The following NES variants were observed in gnomAD, a reference collection of about 807,000 sequenced individuals.
NES encodes nestin.
Under a neutral mutation model 35.6 loss-of-function variants are expected in NES, and 27 were observed. The observed-to-expected ratio is 0.76, with a 90% confidence interval of 0.56 to 1.04. NES has a LOEUF of 1.04. NES is among the 50% of genes least tolerant of loss of function. NES has a pLI of 0.00. For missense variants in NES, 1,867 were observed against 1,983.6 expected, an observed-to-expected ratio of 0.94 and a Z score of 1.12; for synonymous variants, 822 against 824.2, an observed-to-expected ratio of 1.00 and a Z score of 0.04.
chr1:156,676,377 G>T lies in NES; in HGVS notation c.783+105C>A. On this transcript the variant is annotated intron_variant, in intron 1 of 3. Coordinates refer to ENST00000368223, the MANE Select transcript of NES (RefSeq NM_006617.2). This position sits in a 1 kb window ranked among gnomAD's most constrained non-coding sequence, Gnocchi z 5.3. ...TTTCTGAGAACTGGCTCCTGATTCA[G>T]CAGCCAGCTAGCCCCACTCCCTTCC... 8.7e-7 allele frequency: 1 copy of T among 1,154,458 alleles called. No individual in the cohort carries two copies. Among genetic ancestry groups the T allele is most frequent in the Admixed American group, 2.3e-5 (1 of 42,608 alleles). 71.5% of individuals were successfully genotyped at this position (1,154,458 alleles called of 1,614,324 possible). A position where few individuals can be genotyped will look rare whatever the true frequency, so the allele number is the denominator to read the frequency against.
At position 156,670,213 on chromosome 1, in the gene NES, C is replaced by T. The variant is rs1333787291; in HGVS notation, c.3975G>A (p.Gly1325=). Residue 1325 remains glycine, a synonymous_variant, in exon 4 of 4, where the codon GGG becomes GGA. Transcript: ENST00000368223. ...PTGEQRPPPQ[G]ETGKEGWDPA... is the part of the protein sequence containing the mutation. Reference sequence around the variant, plus strand: ...GATCCCAGCCCTCCTTTCCAGTCTCCCCTTGAGGGGGTGGCCTCTGCTCTC... The same window carrying T: ...GATCCCAGCCCTCCTTTCCAGTCTCTCCTTGAGGGGGTGGCCTCTGCTCTC... The T allele has an allele frequency of 3.7e-6, 6 of 1,613,918 alleles. No homozygotes were observed. Among genetic ancestry groups the T allele is most frequent in the Admixed American group, 1.7e-5 (1 of 59,992 alleles).
intron 2 of NES, 38 bp downstream of exon 2, chr1:156,675,178 G>T: frequency 1.2e-6 from 2 of 1,603,066 alleles, no homozygotes; most frequent in Non-Finnish European, 1.7e-6. Flanking sequence ...ATGTGTGTGT[G>T]CCTCTGTGTG....
chr1:156,673,862 T>G (rs539165924), intron 2 of NES, among the ~76,000 whole-genome samples: 44 of 152,154 alleles, frequency 2.9e-4, no homozygotes, highest in South Asian at 6.2e-4. Flanking sequence ...GCCAATGACC[T>G]CATCCTCTGT....
chr1:156,671,601 G>A lies in NES; in HGVS notation c.2587C>T (p.Leu863=), dbSNP rs774622704. 5.0e-6 allele frequency: 8 copies of A among 1,613,896 alleles called. No individual in the cohort carries two copies. Among genetic ancestry groups the A allele is most frequent in the Non-Finnish European group, 5.1e-6 (6 of 1,180,038 alleles). ...AGTGGTTCTTGAATTTCCTTTTCTA[G>A]AGGATTCATTGCCCCCTGATTTATT... is the stretch of plus-strand genomic sequence containing the variant. The part of the protein sequence containing the change: ...EEINQGAMNP[L]EKEIQEPLES... Residue 863 remains leucine, a synonymous_variant, in exon 4 of 4, where the codon CTA becomes TTA. Transcript: ENST00000368223.
chr1:156,673,881 C>G (rs996840019), intron 2 of NES, among the ~76,000 whole-genome samples: 9 of 152,144 alleles, frequency 5.9e-5, no homozygotes, highest in Non-Finnish European at 1.3e-4. Context: ...GTGTGGGGGA[C>G]CGATTCTCAT....
chr1:156,677,084 C>G lies in NES; in HGVS notation c.181G>C (p.Ala61Pro), dbSNP rs1647323127. 1 of 1,602,048 alleles carries G rather than the reference C, an allele frequency of 6.2e-7. No individual in the cohort carries two copies. Among genetic ancestry groups the G allele is most frequent in the Non-Finnish European group, 8.5e-7 (1 of 1,175,644 alleles). The change falls in exon 1 of 4, where the codon GCG becomes CCG. Residue 61 changes from alanine to proline, a missense_variant. By Grantham distance (27) the Ala-to-Pro change is conservative (BLOSUM62 -1). Transcript: ENST00000368223. The surrounding 1 kb of genome is among the most constrained non-coding windows in gnomAD (Gnocchi z 4.5). The stretch of plus-strand genomic sequence containing the variant: ...TGGTCAACGAGGGCCCGCAGGGCCG[C>G]CAGCTCGTCGTCGGCATGCGCCCGC... ...SWRAHADDELAALRALVDQRW... is the reference protein window; with the variant it reads ...SWRAHADDELPALRALVDQRW...
Position 156,675,353 on chromosome 1 carries a change from C to T in NES, c.784-13G>A, listed in dbSNP as rs1375904100. The T allele has an allele frequency of 7.5e-6, 12 of 1,594,208 alleles. No individual in the cohort carries two copies. Among genetic ancestry groups the T allele is most frequent in the Admixed American group, 1.7e-5 (1 of 58,752 alleles). ...CCTCCACAGCCAGCTGCAGGGCAGG[C>T]GAGAGGCAGTCAGTGGAGGGGCTGG... On this transcript the variant is annotated splice_polypyrimidine_tract_variant and intron_variant, in intron 1 of 3. Coordinates refer to ENST00000368223, the MANE Select transcript of NES (RefSeq NM_006617.2).
rs143663317 is a variant in NES, at chr1:156,669,513, G to C, written c.4675C>G (p.Gln1559Glu). ...ATTCCTTGCCCCACTTCCTCAGACTGCTCCAGCCCGTTCATCACTCCCCCA... is the reference window on the plus strand; with the variant it reads ...ATTCCTTGCCCCACTTCCTCAGACTCCTCCAGCCCGTTCATCACTCCCCCA... ...VNGGVMNGLE[Q>E]SEEVGQGMPL... Residue 1559 changes from glutamine to glutamate, a missense_variant, in exon 4 of 4, where the codon CAG (glutamine) becomes GAG (glutamate). By Grantham distance (29) the Gln-to-Glu change is conservative (BLOSUM62 2). Coordinates refer to ENST00000368223, the MANE Select transcript of NES (RefSeq NM_006617.2). 5.5e-5 allele frequency: 88 copies of C among 1,612,306 alleles called. No individual in the cohort carries two copies. The African/African-American group carries it at 1.0e-3, about 19-fold the overall frequency.
Position 156,671,021 on chromosome 1 carries a change from G to A in NES, c.3167C>T (p.Pro1056Leu). Residue 1056 changes from proline (P) to leucine (L), a missense_variant, in exon 4 of 4, where the codon CCC becomes CTC. Coordinates refer to ENST00000368223, the MANE Select transcript of NES (RefSeq NM_006617.2). ...QQVGAPGLQA[P>L]QGLPEAIEPL... ...CTCTATCGCCTCTGGCAGCCCCTGG[G>A]GAGCCTGGAGGCCTGGGGCCCCCAC... The A allele has an allele frequency of 6.2e-7, 1 of 1,612,672 alleles. No homozygotes were observed. The highest frequency in any genetic ancestry group is 8.5e-7 in the Non-Finnish European group (1 of 1,179,640).
In NES at chr1:156,671,603, G is replaced by C; in HGVS notation, c.2585C>G (p.Pro862Arg). ...PEEINQGAMNPLEKEIQEPLE... is the reference protein window; with the variant it reads ...PEEINQGAMNRLEKEIQEPLE... ...TGGTTCTTGAATTTCCTTTTCTAGA[G>C]GATTCATTGCCCCCTGATTTATTTC... is the stretch of plus-strand genomic sequence containing the variant. Residue 862 changes from proline to arginine, a missense_variant, in exon 4 of 4, where the codon CCT becomes CGT. By Grantham distance (103) the Pro-to-Arg change is moderately radical. Coordinates refer to ENST00000368223, the MANE Select transcript of NES (RefSeq NM_006617.2). 1 of 1,613,992 alleles carries C rather than the reference G, an allele frequency of 6.2e-7. No individual in the cohort carries two copies. Among genetic ancestry groups the C allele is most frequent in the African/African-American group, 1.3e-5 (1 of 75,048 alleles).
In NES at chr1:156,670,897, A is replaced by G. The variant is rs1412587583; in HGVS notation, c.3291T>C (p.Ala1097=). ...CCACCCCCTGCCCCGGGCCTGGCTC[A>G]GCTCCCGCAGCAGACTCACCCATGG... is the stretch of plus-strand genomic sequence containing the variant. ...EPAMGESAAG[A]EPGPGQGVGG... The change falls in exon 4 of 4, where the codon GCT becomes GCC. Residue 1097 remains alanine, a synonymous_variant. Coordinates refer to ENST00000368223, the MANE Select transcript of NES (RefSeq NM_006617.2). 5.2e-6 allele frequency: 7 copies of G among 1,350,862 alleles called. No individual in the cohort carries two copies. The highest frequency in any genetic ancestry group is 7.0e-6 in the Non-Finnish European group (7 of 994,772). 83.7% of individuals were successfully genotyped at this position (1,350,862 alleles called of 1,614,324 possible).
rs369715007 is a variant in NES at position 156,673,481 on chromosome 1, C to T, written c.955G>A (p.Gly319Ser). 1.4e-5 allele frequency: 23 copies of T among 1,613,282 alleles called. No individual in the cohort carries two copies. The highest frequency in any genetic ancestry group is 1.9e-5 in the Non-Finnish European group (22 of 1,179,450). ...ENSRLQTPGG[G>S]SKTSLSFQDP... ...TGAAAGCTGAGGGAAGTCTTGGAGCCACCGCCAGGTGTTTGCAGCCGGGAG... is the reference window on the plus strand; with the variant it reads ...TGAAAGCTGAGGGAAGTCTTGGAGCTACCGCCAGGTGTTTGCAGCCGGGAG... The change falls in exon 3 of 4, where the codon GGC (glycine) becomes AGC (serine). Residue 319 changes from glycine (G) to serine (S), a missense_variant. Transcript: ENST00000368223.
rs760599465 is a variant in NES at position 156,670,197 on chromosome 1, C to T, written c.3991G>A (p.Gly1331Ser). Residue 1331 changes from glycine to serine, a missense_variant, in exon 4 of 4, where the codon GGC becomes AGC. By Grantham distance (56) the Gly-to-Ser change is moderately conservative. Coordinates refer to ENST00000368223, the MANE Select transcript of NES (RefSeq NM_006617.2). ...GAAGCCAGGACAGCAGGATCCCAGC[C>T]CTCCTTTCCAGTCTCCCCTTGAGGG... ...PPPQGETGKEGWDPAVLASEG... is the reference protein window; with the variant it reads ...PPPQGETGKESWDPAVLASEG... 1.9e-6 allele frequency: 3 copies of T among 1,614,086 alleles called. No individual in the cohort carries two copies. In the East Asian group the frequency reaches 6.7e-5, roughly 36 times the overall value.
intron 3 of NES, 97 bp from the exon 4 acceptor site, chr1:156,673,302 GC>G: frequency 7.7e-7 from 1 of 1,294,542 alleles, no homozygotes; most frequent in Non-Finnish European, 1.1e-6. Context: ...CCATGCGCCT[GC>G]CCCTGGCGCC....
In NES at chr1:156,671,083, A is replaced by G; in HGVS notation, c.3105T>C (p.Ala1035=). 6.2e-7 allele frequency: 1 copy of G among 1,613,886 alleles called. No homozygotes were observed. Among genetic ancestry groups the G allele is most frequent in the Admixed American group, 1.7e-5 (1 of 60,014 alleles). ...GCCCTTCAGGGTCCTGGAGGCCCTC[A>G]GCCCCTCCCTTCACACTGGCTCCCT... ...LVEGASVKGG[A]EGLQDPEGQS... is the part of the protein sequence containing the mutation. Residue 1035 remains alanine (A), a synonymous_variant, in exon 4 of 4, where the codon GCT becomes GCC. Transcript: ENST00000368223.
chr1:156,675,850 T>C (rs1179349550), intron 1 of NES, among the ~76,000 whole-genome samples: 4 of 151,910 alleles, frequency 2.6e-5, no homozygotes, highest in Admixed American at 1.3e-4. Context: ...TTCCCACATG[T>C]TCTGGATTCT....
intron 1 of NES, 148 bp from the exon 2 acceptor site, chr1:156,675,488 A>T (rs1182059242): frequency 2.2e-6 from 2 of 911,726 alleles, no homozygotes; most frequent in Non-Finnish European, 3.2e-6. Context: ...CCCCTACCCT[A>T]TTCCCTGCCC....
intron 3 of NES, 123 bp from the exon 4 acceptor site, chr1:156,673,328 G>C: frequency 2.3e-6 from 3 of 1,311,230 alleles, no homozygotes; most frequent in Non-Finnish European, 3.2e-6. Flanking sequence ...GCTGGGCTGA[G>C]AGCATGCTCA....
At chr1:156,674,698 A>C (rs555766883) in intron 2 of NES, among the ~76,000 whole-genome samples, 1 of 152,224 alleles carries the variant, frequency 6.6e-6, no homozygotes, top group Non-Finnish European at 1.5e-5. Context: ...CACTAGGGGC[A>C]TCAGAGGAGT....
Sources: allele counts gnomAD v4.1 joint callset (sites outside exome capture counted in the v4.1 genomes callset), GRCh38; gene constraint gnomAD v4.1.1; non-coding constraint Gnocchi (gnomAD v3.1); transcripts MANE v1.5; gene names NCBI Gene and HGNC (gene_info 2026-07-23, HGNC 2026-07-21).